The following CCSER1 variants were observed in gnomAD, a reference collection of about 807,000 sequenced individuals.
CCSER1 encodes coiled-coil serine rich protein 1.
CCSER1 carries 41 observed loss-of-function variants against 82.0 expected under a neutral mutation model. The ratio of observed to expected loss-of-function variants is 0.50; its 90% CI spans 0.39 to 0.65. CCSER1 has a LOEUF of 0.65. Ranked by LOEUF, CCSER1 falls within the 30% of genes least tolerant of loss-of-function variation. The probability of loss-of-function intolerance (pLI) is 0.00; values close to 1 mark genes in which losing one functional copy is unlikely to be tolerated. For missense variants in CCSER1, 1,119 were observed against 1,064.2 expected (o/e 1.05, Z -0.72); for synonymous variants, 414 against 383.9 (o/e 1.08, Z -0.92).
chr4:91,064,229 T>A (rs1744180546), intron 9 of CCSER1, among the ~76,000 whole-genome samples: 1 of 152,144 alleles, frequency 6.6e-6, no homozygotes, highest in African/African-American at 2.4e-5. Context: ...AAAGAAGTAG[T>A]AAGACAGAAT....
chr4:91,299,963 A>C (rs1159285671), intron 10 of CCSER1, among the ~76,000 whole-genome samples: 2 of 151,940 alleles, frequency 1.3e-5, no homozygotes, highest in Non-Finnish European at 2.9e-5. Flanking sequence ...AGAAACACAC[A>C]CAAAAAAACA....
chr4:91,349,158 C>T (rs537516454), intron 10 of CCSER1, among the ~76,000 whole-genome samples: 1 of 152,254 alleles, frequency 6.6e-6, no homozygotes, highest in Non-Finnish European at 1.5e-5. Flanking sequence ...CTGCCTGCCT[C>T]GGCCTCCCAA....
At chr4:91,520,290 T>C (rs572435963) in intron 10 of CCSER1, among the ~76,000 whole-genome samples, 1 of 143,976 alleles carries the variant, frequency 6.9e-6, no homozygotes, top group South Asian at 2.3e-4. Flanking sequence ...ACTTCAATAG[T>C]ATACAAAACT....
At chr4:90,978,013 T>G (rs1735766807) in intron 9 of CCSER1, among the ~76,000 whole-genome samples, 1 of 151,666 alleles carries the variant, frequency 6.6e-6, no homozygotes, top group Non-Finnish European at 1.5e-5. Flanking sequence ...TAGGGGTTTC[T>G]GATATCCTGC....
chr4:90,772,322 T>C, intron 7 of CCSER1, among the ~76,000 whole-genome samples: 1 of 152,236 alleles, frequency 6.6e-6, no homozygotes, highest in African/African-American at 2.4e-5. Flanking sequence ...TATGACAAAC[T>C]TCAGGTTAAT....
chr4:90,227,397 T>C (rs1174743599), intron 1 of CCSER1, among the ~76,000 whole-genome samples: 1 of 152,238 alleles, frequency 6.6e-6, no homozygotes, highest in Non-Finnish European at 1.5e-5. Flanking sequence ...AAAATTGCAT[T>C]CGTCTTATAG....
intron 9 of CCSER1, among the ~76,000 whole-genome samples, chr4:91,046,895 T>C (rs1232555718): frequency 1.3e-5 from 2 of 151,926 alleles, no homozygotes; most frequent in Non-Finnish European, 2.9e-5. Context: ...TTTTTTGTAT[T>C]TTAGTAGAGA....
intron 3 of CCSER1, among the ~76,000 whole-genome samples, chr4:90,359,736 C>A (rs1744954399): frequency 6.9e-6 from 1 of 145,544 alleles, no homozygotes; most frequent in Non-Finnish European, 1.5e-5. Context: ...GACTCCATCT[C>A]AAAAAAAATA....
chr4:90,781,226 C>A, intron 7 of CCSER1: 1 of 979,748 alleles, frequency 1.0e-6, no homozygotes, highest in Non-Finnish European at 1.2e-6. Flanking sequence ...AATTTCCAAA[C>A]TATATCACTC....
At chr4:90,338,591 T>C (rs1740834828) in intron 3 of CCSER1, among the ~76,000 whole-genome samples, 1 of 152,222 alleles carries the variant, frequency 6.6e-6, no homozygotes, top group African/African-American at 2.4e-5. Flanking sequence ...TTAAGCATAG[T>C]ATAGTATTCA....
chr4:90,506,001 CTTTGTCTTGCGA>C (rs1387466516), intron 5 of CCSER1, among the ~76,000 whole-genome samples: 1 of 152,168 alleles, frequency 6.6e-6, no homozygotes, highest in African/African-American at 2.4e-5. Flanking sequence ...ACACTTACAA[CTTTGTCTTGCGA>C]TTCTATTTGC....
chr4:90,715,471 G>A (rs1741472412), intron 6 of CCSER1, among the ~76,000 whole-genome samples: 1 of 151,972 alleles, frequency 6.6e-6, no homozygotes, highest in Non-Finnish European at 1.5e-5. Flanking sequence ...ACTAAAGCAA[G>A]AGATTAGTAA....
At chr4:90,901,330 T>C (rs1234520769) in intron 8 of CCSER1, among the ~76,000 whole-genome samples, 1 of 152,064 alleles carries the variant, frequency 6.6e-6, no homozygotes, top group Non-Finnish European at 1.5e-5. Flanking sequence ...GTTCCCATCA[T>C]AGTATTGTTA....
intron 10 of CCSER1, among the ~76,000 whole-genome samples, chr4:91,523,482 C>T (rs1760610096): frequency 2.0e-5 from 3 of 152,156 alleles, no homozygotes; most frequent in South Asian, 4.2e-4. Context: ...TGGTAGAATT[C>T]GGCTGGGAAT....
intron 10 of CCSER1, among the ~76,000 whole-genome samples, chr4:91,509,467 A>C (rs1409678501): frequency 1.3e-5 from 2 of 151,956 alleles, no homozygotes; most frequent in Non-Finnish European, 2.9e-5. Flanking sequence ...TAATCATTTA[A>C]ATTTATTGAG....
chr4:91,074,125 T>G (rs1425201887), intron 9 of CCSER1, among the ~76,000 whole-genome samples: 1 of 152,194 alleles, frequency 6.6e-6, no homozygotes, highest in Non-Finnish European at 1.5e-5. Context: ...AATAAGGGGT[T>G]GCATTTTATT....
intron 1 of CCSER1, among the ~76,000 whole-genome samples, chr4:90,198,428 A>C (rs1737011598): frequency 6.6e-6 from 1 of 152,196 alleles, no homozygotes; most frequent in Non-Finnish European, 1.5e-5. Context: ...CTTATATCAC[A>C]ATATCACAGT....
chr4:91,167,187 T>G (rs1188195341), intron 10 of CCSER1, among the ~76,000 whole-genome samples: 1 of 128,334 alleles, frequency 7.8e-6, no homozygotes, highest in Non-Finnish European at 1.6e-5. Flanking sequence ...TTGCAATACT[T>G]TTTTTTTTTT....
At chr4:90,695,408 T>C (rs1736830279) in intron 6 of CCSER1, among the ~76,000 whole-genome samples, 1 of 152,004 alleles carries the variant, frequency 6.6e-6, no homozygotes, top group Admixed American at 6.6e-5. Context: ...ATTATCAATT[T>C]ATGAGATGTT....
Sources: allele counts gnomAD v4.1 joint callset (sites outside exome capture counted in the v4.1 genomes callset), GRCh38; gene constraint gnomAD v4.1.1; transcripts MANE v1.5; gene names NCBI Gene and HGNC (gene_info 2026-07-23, HGNC 2026-07-21).